Variants in SLC14A2 observed in about 807,000 individuals in gnomAD.
SLC14A2 encodes the protein urea transporter 2.
SLC14A2 carries 91 observed loss-of-function variants against 104.6 expected under a neutral mutation model. The ratio of observed to expected loss-of-function variants is 0.87; its 90% CI spans 0.73 to 1.04. The LOEUF (loss-of-function observed/expected upper bound fraction) is 1.04. Among genes scored for constraint, SLC14A2 ranks in the 50% least tolerant of loss-of-function variants. The pLI is 0.00. For synonymous variants in SLC14A2, 476 were observed against 466.4 expected (o/e 1.02, Z -0.27); for missense variants, 1,189 against 1,156.0 (o/e 1.03, Z -0.41).
intron 1 of SLC14A2, among the ~76,000 whole-genome samples, chr18:45,225,355 C>T (rs1000247241): frequency 1.3e-5 from 2 of 152,084 alleles, no homozygotes; most frequent in Non-Finnish European, 2.9e-5. Flanking sequence ...GTCTATATCT[C>T]TGTTTTGTTA....
chr18:45,301,433 C>T (rs1172415319), intron 1 of SLC14A2, among the ~76,000 whole-genome samples: 1 of 152,198 alleles, frequency 6.6e-6, no homozygotes, highest in African/African-American at 2.4e-5. Context: ...TCCGTGGAGT[C>T]CCACCCACCC....
chr18:45,354,595 G>GAGCT (rs1206570711), intron 1 of SLC14A2, among the ~76,000 whole-genome samples: 1 of 152,220 alleles, frequency 6.6e-6, no homozygotes, highest in Non-Finnish European at 1.5e-5. Flanking sequence ...TGGAGTCAGG[G>GAGCT]AGCTATACCA....
At chr18:45,673,566 A>G in intron 17 of SLC14A2, 117 bp from the exon 18 acceptor site, 1 of 1,149,454 alleles carries the variant, frequency 8.7e-7, no homozygotes, top group Non-Finnish European at 1.2e-6. Context: ...TCCTTTTTGT[A>G]TAACTACCTA....
At chr18:45,309,927 G>A (rs1027883438) in intron 1 of SLC14A2, among the ~76,000 whole-genome samples, 5 of 151,126 alleles carry the variant, frequency 3.3e-5, no homozygotes, top group East Asian at 3.9e-4. Flanking sequence ...ATAGCCCTAC[G>A]CAACAATATC....
chr18:45,226,814 T>A (rs1467697380), intron 1 of SLC14A2, among the ~76,000 whole-genome samples: 1 of 151,974 alleles, frequency 6.6e-6, no homozygotes, highest in African/African-American at 2.4e-5. Flanking sequence ...ATAATAATAA[T>A]AATAAAATAA....
chr18:45,196,930 G>A, the SLC14A2 span, among the ~76,000 whole-genome samples: 1 of 152,204 alleles, frequency 6.6e-6, no homozygotes, highest in African/African-American at 2.4e-5. Flanking sequence ...ACTACAAAAG[G>A]AGTTTAGCAG....
chr18:45,397,145 T>C (rs868633435), intron 1 of SLC14A2, among the ~76,000 whole-genome samples: 1 of 152,220 alleles, frequency 6.6e-6, no homozygotes, highest in African/African-American at 2.4e-5. Flanking sequence ...TGTGACTTTA[T>C]GGCAGAATGA....
intron 1 of SLC14A2, among the ~76,000 whole-genome samples, chr18:45,253,036 G>C (rs183777937): frequency 3.3e-5 from 5 of 152,146 alleles, no homozygotes; most frequent in African/African-American, 7.2e-5. Flanking sequence ...AATAAAAAAG[G>C]CTGCATCCAT....
chr18:45,214,823 ATCAGG>A (rs1262970690), intron 1 of SLC14A2, among the ~76,000 whole-genome samples: 1 of 150,852 alleles, frequency 6.6e-6, no homozygotes. Context: ...CGGTCTGTGG[ATCAGG>A]CTCCAGACTA....
chr18:45,501,977 T>A (rs2043206032), intron 2 of SLC14A2, among the ~76,000 whole-genome samples: 1 of 152,114 alleles, frequency 6.6e-6, no homozygotes, highest in Admixed American at 6.5e-5. Flanking sequence ...CTCCTAGAGG[T>A]AATGGATTCT....
chr18:45,570,606 C>A (rs1397313033), intron 2 of SLC14A2, among the ~76,000 whole-genome samples: 1 of 152,230 alleles, frequency 6.6e-6, no homozygotes, highest in Non-Finnish European at 1.5e-5. Flanking sequence ...AATATACCTT[C>A]TATCCTTTTA....
intron 10 of SLC14A2, among the ~76,000 whole-genome samples, chr18:45,649,064 G>A (rs543563159): frequency 1.3e-5 from 2 of 152,216 alleles, no homozygotes; most frequent in Non-Finnish European, 2.9e-5. Flanking sequence ...CCAGCTACTC[G>A]GGAGGCTGAG....
chr18:45,634,472 G>A (rs1244192351), intron 5 of SLC14A2, among the ~76,000 whole-genome samples: 2 of 152,236 alleles, frequency 1.3e-5, no homozygotes, highest in East Asian at 3.8e-4. Flanking sequence ...GTGTGCTCAG[G>A]GAAGACAACT....
the SLC14A2 span, among the ~76,000 whole-genome samples, chr18:45,188,997 T>G: frequency 1.3e-5 from 2 of 152,190 alleles, no homozygotes; most frequent in Non-Finnish European, 2.9e-5. Context: ...TTGAGCTCTG[T>G]TACATGCAAT....
intron 1 of SLC14A2, among the ~76,000 whole-genome samples, chr18:45,395,610 T>C (rs962443632): frequency 3.3e-5 from 5 of 152,164 alleles, no homozygotes; most frequent in Admixed American, 3.3e-4. Flanking sequence ...TTTTTTTTTG[T>C]TTTGTTTTAC....
intron 1 of SLC14A2, among the ~76,000 whole-genome samples, chr18:45,278,867 A>T (rs534563408): frequency 6.6e-6 from 1 of 152,252 alleles, no homozygotes; most frequent in Non-Finnish European, 1.5e-5. Context: ...TTTTCTAAAC[A>T]GCGTGGTTGC....
chr18:45,626,523 T>C (rs930886171), intron 3 of SLC14A2, among the ~76,000 whole-genome samples: 1 of 152,198 alleles, frequency 6.6e-6, no homozygotes, highest in Non-Finnish European at 1.5e-5. Flanking sequence ...TTCTTCAGGC[T>C]ACTTTCTTTG....
intron 10 of SLC14A2, among the ~76,000 whole-genome samples, chr18:45,656,228 A>T (rs2045833907): frequency 6.6e-6 from 1 of 152,250 alleles, no homozygotes; most frequent in African/African-American, 2.4e-5. Flanking sequence ...TGGCCAAATA[A>T]GCCAAGGATG....
At chr18:45,525,467 T>G (rs2043582320) in intron 2 of SLC14A2, among the ~76,000 whole-genome samples, 1 of 152,236 alleles carries the variant, frequency 6.6e-6, no homozygotes, top group Admixed American at 6.5e-5. Flanking sequence ...GATATGCAGC[T>G]TAGATATGCC....
Sources: gnomAD v4.1 joint callset for allele counts (sites outside exome capture counted in the v4.1 genomes callset) on GRCh38, gnomAD v4.1.1 for gene constraint, MANE v1.5 for transcripts, NCBI Gene and HGNC (gene_info 2026-07-23, HGNC 2026-07-21) for gene names.